MYO9B: variants seen among roughly 807,000 people sequenced by gnomAD.
MYO9B encodes the protein myosin IXB.
In MYO9B, 71 loss-of-function variants were observed where a neutral mutation model predicts 229.5. That is an observed-to-expected ratio of 0.31 (90% CI 0.26 to 0.38). MYO9B has a LOEUF of 0.38. MYO9B is among the 10% of genes least tolerant of loss of function. The pLI, the probability that MYO9B is intolerant of heterozygous loss-of-function variation, is 1.00. For missense variants in MYO9B, 2,255 were observed against 2,920.5 expected (o/e 0.77, Z 5.25); for synonymous variants, 1,185 against 1,235.8 (o/e 0.96, Z 0.86).
intron 2 of MYO9B, among the ~76,000 whole-genome samples, chr19:17,131,649 G>T (rs566798193): frequency 6.6e-6 from 1 of 152,270 alleles, no homozygotes; most frequent in East Asian, 1.9e-4. Flanking sequence ...AAAGGCAGGG[G>T]CGTTTGGAAG....
At chr19:17,185,044 G>A in intron 17 of MYO9B, 57 bp downstream of exon 17, 1 of 1,610,500 alleles carries the variant, frequency 6.2e-7, no homozygotes, top group Non-Finnish European at 8.5e-7. Flanking sequence ...GGCTTGTGTA[G>A]CTTCACCCGA....
chr19:17,155,591 A>G lies in MYO9B; in HGVS notation c.1199+1176A>G, dbSNP rs150646644. 4.9e-3 allele frequency among the ~76,000 whole-genome samples: 747 copies of G among 152,130 alleles called. 2 individuals carry two copies. The highest frequency in any genetic ancestry group is 0.017 in the African/African-American group (723 of 41,518). On this transcript the variant is annotated intron_variant, in intron 6 of 39. Transcript: ENST00000682292. Reference sequence around the variant, plus strand: ...CCAGGAGTTGGAGACCAGCCTGGGTAACATAGCAAGACCCCATCAATTTTT... The same window carrying G: ...CCAGGAGTTGGAGACCAGCCTGGGTGACATAGCAAGACCCCATCAATTTTT...
At chr19:17,098,444 C>T (rs367594988) in intron 1 of MYO9B, among the ~76,000 whole-genome samples, 19 of 152,260 alleles carry the variant, frequency 1.2e-4, no homozygotes, top group Middle Eastern at 6.8e-3. Context: ...TTAACTGCTG[C>T]GCTGGATTCA....
intron 33 of MYO9B, 46 bp downstream of exon 33, chr19:17,206,422 G>A: frequency 6.3e-7 from 1 of 1,596,350 alleles, no homozygotes; most frequent in Non-Finnish European, 8.5e-7. Context: ...CCACAGCCAG[G>A]ATACAGCGTT....
At position 17,191,222 on chromosome 19, in the gene MYO9B, C is replaced by A. The variant is rs752840201; in HGVS notation, c.2811+3C>A. The A allele has an allele frequency of 1.1e-5, 18 of 1,610,750 alleles. No individual in the cohort carries two copies. Among genetic ancestry groups the A allele is most frequent in the Admixed American group, 1.7e-5 (1 of 59,586 alleles). Reference sequence around the variant, plus strand: ...ACTACCAGATCGGGAAGACCAAGGTCAGCGCTCCTGCCCCTCGGGGCACTA... The same window carrying A: ...ACTACCAGATCGGGAAGACCAAGGTAAGCGCTCCTGCCCCTCGGGGCACTA... On this transcript the variant is annotated splice_donor_region_variant and intron_variant, in intron 20 of 39. Coordinates refer to ENST00000682292, the MANE Select transcript of MYO9B (RefSeq NM_004145.4).
At chr19:17,190,205 TG>T (rs1190404146) in intron 19 of MYO9B, among the ~76,000 whole-genome samples, 1 of 151,962 alleles carries the variant, frequency 6.6e-6, no homozygotes, top group Non-Finnish European at 1.5e-5. Context: ...GTGTGTGTGA[TG>T]GGGGTGGTGC....
intron 2 of MYO9B, among the ~76,000 whole-genome samples, chr19:17,127,385 G>A (rs1167210533): frequency 1.3e-5 from 2 of 149,970 alleles, no homozygotes; most frequent in African/African-American, 4.9e-5. Context: ...GGAGTGCAGT[G>A]GCGCAATCTT....
At chr19:17,180,692 G>A in intron 14 of MYO9B, 2 of 479,294 alleles carry the variant, frequency 4.2e-6, no homozygotes, top group Non-Finnish European at 3.7e-6. Context: ...GTGTTGCCAA[G>A]TCCAATTTGC....
chr19:17,191,776 G>C (rs1425176804), intron 20 of MYO9B, among the ~76,000 whole-genome samples: 1 of 151,922 alleles, frequency 6.6e-6, no homozygotes, highest in African/African-American at 2.4e-5. Flanking sequence ...AGGAGTTTGA[G>C]ACCAGCCTGG....
chr19:17,202,432 A>AGCCAC, intron 28 of MYO9B, 129 bp downstream of exon 28: 1 of 919,858 alleles, frequency 1.1e-6, no homozygotes, highest in East Asian at 2.7e-5. Context: ...CCCATACCAC[A>AGCCAC]GCCACTGTGC....
At chr19:17,103,917 A>C (rs540012770) in intron 2 of MYO9B, 1 of 152,056 alleles carries the variant, frequency 6.6e-6, no homozygotes, top group Non-Finnish European at 1.5e-5. Flanking sequence ...TTAGCCAGGC[A>C]TGATGGTGTG....
chr19:17,126,216 A>T (rs2058017205), intron 2 of MYO9B, among the ~76,000 whole-genome samples: 1 of 151,936 alleles, frequency 6.6e-6, no homozygotes, highest in Non-Finnish European at 1.5e-5. Flanking sequence ...CTCTGCTCCC[A>T]GCTCCCAGGG....
At position 17,212,271 on chromosome 19, in the gene MYO9B, G is replaced by T; in HGVS notation, c.6435G>T (p.Thr2145=). Residue 2145 remains threonine (T), a synonymous_variant, in exon 40 of 40, where the codon ACG becomes ACT. Transcript: ENST00000682292. This position sits in a 1 kb window ranked among gnomAD's most constrained non-coding sequence, Gnocchi z 5.4. ...GAKRRYSDPP[T]YCLPPASGQT... is the part of the protein sequence containing the mutation. Reference sequence around the variant, plus strand: ...AGCGGAGGTACTCGGATCCCCCAACGTACTGCCTGCCCCCCGCCTCGGGCC... The same window carrying T: ...AGCGGAGGTACTCGGATCCCCCAACTTACTGCCTGCCCCCCGCCTCGGGCC... The T allele has an allele frequency of 6.4e-7, 1 of 1,557,184 alleles. No individual in the cohort carries two copies. The highest frequency in any genetic ancestry group is 8.6e-7 in the Non-Finnish European group (1 of 1,158,564).
intron 1 of MYO9B, among the ~76,000 whole-genome samples, chr19:17,096,697 TTGTTGTTGG>T (rs2057693745): frequency 0.025 from 1,370 of 54,632 alleles, 25 homozygotes; most frequent in African/African-American, 0.11. Flanking sequence ...GTTGTTGTTG[TTGTTGTTGG>T]TTTTTTTTTT....
chr19:17,207,297 CCCA>C, intron 35 of MYO9B, 53 bp downstream of exon 35: 1 of 1,562,316 alleles, frequency 6.4e-7, no homozygotes, highest in Non-Finnish European at 8.7e-7. Flanking sequence ...CACCCAGGAC[CCCA>C]CGACAGCTCC....
intron 1 of MYO9B, among the ~76,000 whole-genome samples, chr19:17,092,515 T>C (rs1050599991): frequency 6.6e-6 from 1 of 152,120 alleles, no homozygotes. Context: ...CACTTGAGGC[T>C]AGAAGTTGGA....
intron 3 of MYO9B, 43 bp downstream of exon 3, chr19:17,145,534 C>A: frequency 6.6e-7 from 1 of 1,505,404 alleles, no homozygotes. Flanking sequence ...GCTGGCCCCA[C>A]GCACTGTTGC....
rs142767244 is a variant in MYO9B, at chr19:17,172,450, C to T, written c.1908C>T (p.Phe636=). Residue 636 remains phenylalanine (F), a synonymous_variant, in exon 12 of 40, where the codon TTC becomes TTT. Transcript: ENST00000682292. The surrounding 1 kb of genome is among the most constrained non-coding windows in gnomAD (Gnocchi z 8.2). The stretch of plus-strand genomic sequence containing the variant: ...AGCCAGCTTTCATCATCCAGCACTT[C>T]GCAGGGAAGGTGAAATATCAGATCA... ...VMEPAFIIQH[F]AGKVKYQIKD... is the part of the protein sequence containing the mutation. 7.8e-4 allele frequency: 1,254 copies of T among 1,613,798 alleles called. 7 individuals are homozygous for T. The African/African-American group carries it at 0.013, about 16-fold the overall frequency.
intron 11 of MYO9B, among the ~76,000 whole-genome samples, chr19:17,171,806 G>A (rs1328672646): frequency 6.6e-6 from 1 of 152,148 alleles, no homozygotes; most frequent in East Asian, 1.9e-4. Flanking sequence ...GAAAAACATT[G>A]TACTATAGTC....
Sources: gnomAD v4.1 joint callset for allele counts (sites outside exome capture counted in the v4.1 genomes callset) on GRCh38, gnomAD v4.1.1 for gene constraint, Gnocchi (gnomAD v3.1) non-coding constraint, MANE v1.5 for transcripts, NCBI Gene and HGNC (gene_info 2026-07-23, HGNC 2026-07-21) for gene names.